PCDHA3: variants seen among roughly 807,000 people sequenced by gnomAD.
The protein encoded by PCDHA3 is protocadherin alpha 3.
In PCDHA3, 41 loss-of-function variants were observed where a neutral mutation model predicts 62.2. The observed-to-expected ratio is 0.66, with a 90% CI of 0.51 to 0.86. PCDHA3 has a LOEUF of 0.86. Ranked by LOEUF, PCDHA3 falls within the 40% of genes least tolerant of loss-of-function variation. The pLI is 0.00. For missense variants in PCDHA3, 1,304 were observed against 1,241.2 expected, an observed-to-expected ratio of 1.05 and a Z score of -0.76; for synonymous variants, 640 against 555.4, an observed-to-expected ratio of 1.15 and a Z score of -2.14.
intron 1 of PCDHA3, chr5:140,850,866 G>T: frequency 6.3e-7 from 1 of 1,592,796 alleles, no homozygotes; most frequent in Non-Finnish European, 8.6e-7. Flanking sequence ...AGAACCCTCT[G>T]CTTCCTCAGA....
At chr5:140,902,669 T>C (rs767769713) in intron 1 of PCDHA3, among the ~76,000 whole-genome samples, 1 of 152,166 alleles carries the variant, frequency 6.6e-6, no homozygotes, top group Non-Finnish European at 1.5e-5. Flanking sequence ...ACCCAAGCAG[T>C]GTACACCGTA....
At chr5:140,870,229 C>A (rs781897836) in intron 1 of PCDHA3, 3 of 1,614,046 alleles carry the variant, frequency 1.9e-6, no homozygotes, top group South Asian at 1.1e-5. Flanking sequence ...CGTGTCTGAC[C>A]GTGACTCAGG....
At chr5:140,872,306 G>A (rs897321353) in intron 1 of PCDHA3, among the ~76,000 whole-genome samples, 4 of 151,928 alleles carry the variant, frequency 2.6e-5, no homozygotes, top group African/African-American at 9.7e-5. Context: ...CTTATATGCT[G>A]CTTTATGGAA....
chr5:140,830,145 G>A (rs1406638033), intron 1 of PCDHA3: 3 of 1,613,062 alleles, frequency 1.9e-6, no homozygotes, highest in Non-Finnish European at 2.5e-6. Flanking sequence ...GCGTCGGTGG[G>A]CGCCGCGGGC....
chr5:140,876,555 G>C (rs782622293), intron 1 of PCDHA3: 1 of 1,614,072 alleles, frequency 6.2e-7, no homozygotes, highest in African/African-American at 1.3e-5. Context: ...CTGTGCAAGA[G>C]GATGCTCAGG....
At chr5:140,829,332 A>G in intron 1 of PCDHA3, 1 of 1,614,236 alleles carries the variant, frequency 6.2e-7, no homozygotes, top group Non-Finnish European at 8.5e-7. Context: ...AGTGCCCTGG[A>G]CCGCGAGAGC....
Position 140,808,113 on chromosome 5 carries a change from A to C in PCDHA3, c.2394+4522A>C, listed in dbSNP as rs782066312. 6.2e-6 allele frequency: 10 copies of C among 1,613,798 alleles called. No homozygotes were observed. The Admixed American group carries it at 6.7e-5, about 11-fold the overall frequency. ...CAAATTATTGTAAAGGGATATATTG[A>C]CTTTGAAGAAAGCAAATCCTATGAA... On this transcript the variant is annotated intron_variant, in intron 1 of 3. Transcript: ENST00000522353.
intron 1 of PCDHA3, chr5:140,928,173 C>T (rs1554205586): frequency 1.2e-6 from 2 of 1,614,170 alleles, no homozygotes; most frequent in Admixed American, 1.7e-5. Flanking sequence ...CACTTAGCAC[C>T]CGAAGGACAA....
At position 140,857,621 on chromosome 5, in the gene PCDHA3, G is replaced by A. The variant is rs962164938; in HGVS notation, c.2394+54030G>A. ...GTACGCGCTGCAGCCGCTGGACCAC[G>A]AGGAGCTGGAGCTGCTACAGTTCCA... On this transcript the variant is annotated intron_variant, in intron 1 of 3. Transcript: ENST00000522353. The A allele has an allele frequency of 4.4e-6, 7 of 1,596,528 alleles. 1 individual carries two copies. In the African/African-American group the frequency reaches 8.1e-5, roughly 18 times the overall value.
chr5:140,838,387 G>A (rs1554137061), intron 1 of PCDHA3, among the ~76,000 whole-genome samples: 1 of 150,594 alleles, frequency 6.6e-6, no homozygotes, highest in African/African-American at 2.5e-5. Context: ...GCCTCCCAAT[G>A]TGCTGGGATT....
At chr5:140,895,660 A>G (rs2065094898) in intron 1 of PCDHA3, among the ~76,000 whole-genome samples, 6 of 152,160 alleles carry the variant, frequency 3.9e-5, no homozygotes, top group Admixed American at 3.9e-4. Context: ...CTTATAAGTG[A>G]GAACATGTAG....
At chr5:140,852,575 C>CT (rs1395261617) in intron 1 of PCDHA3, 11 of 798,920 alleles carry the variant, frequency 1.4e-5, no homozygotes, top group Non-Finnish European at 1.7e-5. Context: ...TGTGCCAAGG[C>CT]TTTTTTATTT....
At position 140,808,279 on chromosome 5, in the gene PCDHA3, A is replaced by G. The variant is rs782098694; in HGVS notation, c.2394+4688A>G. On this transcript the variant is annotated intron_variant, in intron 1 of 3. Transcript: ENST00000522353. ...CACTTCCAATTAGAGAGGACGCTCC[A>G]CTGGGTACAGTCATCGCCCTGATCA... 3.7e-6 allele frequency: 6 copies of G among 1,614,130 alleles called. No individual in the cohort carries two copies. The South Asian group carries it at 5.5e-5, about 15-fold the overall frequency.
chr5:140,950,914 T>G (rs1198787949), intron 1 of PCDHA3, among the ~76,000 whole-genome samples: 1 of 152,044 alleles, frequency 6.6e-6, no homozygotes, highest in Non-Finnish European at 1.5e-5. Context: ...TTTATTTTAT[T>G]TCAGTTCTTT....
At chr5:140,870,634 G>T in intron 1 of PCDHA3, 1 of 1,612,862 alleles carries the variant, frequency 6.2e-7, no homozygotes, top group Non-Finnish European at 8.5e-7. Context: ...GTCGGTGCAC[G>T]CGGAGAGCGG....
intron 1 of PCDHA3, among the ~76,000 whole-genome samples, chr5:140,963,630 C>T (rs1370293911): frequency 3.3e-5 from 5 of 152,140 alleles, no homozygotes; most frequent in African/African-American, 1.2e-4. Flanking sequence ...TTGTTGCATA[C>T]GCATCTTCCC....
At chr5:140,843,107 G>A in intron 1 of PCDHA3, 2 of 1,595,816 alleles carry the variant, frequency 1.3e-6, no homozygotes, top group Non-Finnish European at 1.7e-6. Context: ...GAAGGTGCGC[G>A]CAGTGGACGC....
At chr5:140,876,750 T>C (rs2056553251) in intron 1 of PCDHA3, 7 of 1,614,238 alleles carry the variant, frequency 4.3e-6, no homozygotes, top group African/African-American at 1.3e-5. Flanking sequence ...TGGTGGTGAC[T>C]GCGCGGGATG....
In PCDHA3 at chr5:140,857,453, C is replaced by T. The variant is rs545328956; in HGVS notation, c.2394+53862C>T. 59 of 1,598,490 alleles carry T rather than the reference C, an allele frequency of 3.7e-5. 5 individuals carry two copies. The highest frequency in any genetic ancestry group is 5.1e-5 in the Non-Finnish European group (59 of 1,167,918). On this transcript the variant is annotated intron_variant, in intron 1 of 3. Coordinates refer to ENST00000522353, the MANE Select transcript of PCDHA3 (RefSeq NM_018906.3). ...GGTGTTCGTGAAGGAGAACAACCCG[C>T]CAGGCTGCCACATCTTCACGGTGTC...
Sources: allele counts gnomAD v4.1 joint callset (sites outside exome capture counted in the v4.1 genomes callset), GRCh38; gene constraint gnomAD v4.1.1; transcripts MANE v1.5; gene names NCBI Gene and HGNC (gene_info 2026-07-23, HGNC 2026-07-21).